The following TBC1D32 variants were observed in gnomAD, a reference collection of about 807,000 sequenced individuals.
The protein encoded by TBC1D32 is TBC1 domain family member 32.
In TBC1D32, 151 loss-of-function variants were observed where a neutral mutation model predicts 170.3. The observed-to-expected ratio is 0.89, with a 90% CI of 0.78 to 1.01. The LOEUF is 1.01. Ranked by LOEUF, TBC1D32 falls within the 50% of genes least tolerant of loss-of-function variation. TBC1D32 has a pLI of 0.00. For missense variants in TBC1D32, 1,464 were observed against 1,457.1 expected (o/e 1.00, Z -0.08); for synonymous variants, 498 against 488.0 (o/e 1.02, Z -0.27).
chr6:121,308,519 T>G (rs1032872054), intron 4 of TBC1D32, among the ~76,000 whole-genome samples: 2 of 151,864 alleles, frequency 1.3e-5, no homozygotes. Flanking sequence ...GCAAAGCATT[T>G]CCATTCTAGG....
intron 20 of TBC1D32, among the ~76,000 whole-genome samples, chr6:121,238,071 T>C (rs1306168911): frequency 6.6e-6 from 1 of 152,138 alleles, no homozygotes; most frequent in African/African-American, 2.4e-5. Flanking sequence ...ACAGGCATAC[T>C]TGAGTGATTA....
chr6:121,081,978 A>C (rs1419711632), intron 31 of TBC1D32, among the ~76,000 whole-genome samples: 1 of 152,090 alleles, frequency 6.6e-6, no homozygotes, highest in African/African-American at 2.4e-5. Flanking sequence ...GAAGAAATGA[A>C]ATGGTGTTGT....
Position 121,080,858 on chromosome 6 carries a change from A to C in TBC1D32, c.3687T>G (p.Asp1229Glu). The C allele has an allele frequency of 1.2e-6, 2 of 1,613,952 alleles. No homozygotes were observed. The highest frequency in any genetic ancestry group is 2.2e-5 in the South Asian group (2 of 91,066). ...EEALHGFRVSDYFEYMEILEQ... is the reference protein window; with the variant it reads ...EEALHGFRVSEYFEYMEILEQ... ...CCAAAATTTCCATGTATTCAAAATA[A>C]TCACTCACTCGAAACCCATGCAGTG... is the stretch of plus-strand genomic sequence containing the variant. The change falls in exon 32 of 32, where the codon GAT becomes GAG. Residue 1229 changes from aspartate (D) to glutamate (E), a missense_variant. Coordinates refer to ENST00000398212, the MANE Select transcript of TBC1D32 (RefSeq NM_152730.6).
intron 12 of TBC1D32, 87 bp from the exon 13 acceptor site, chr6:121,283,997 T>C (rs1053467353): frequency 2.0e-6 from 2 of 980,274 alleles, no homozygotes; most frequent in Admixed American, 4.5e-5. Flanking sequence ...TCCATCTATA[T>C]AGTTGAGGTT....
At chr6:121,203,915 T>C (rs1262415662) in intron 22 of TBC1D32, among the ~76,000 whole-genome samples, 1 of 151,186 alleles carries the variant, frequency 6.6e-6, no homozygotes, top group Non-Finnish European at 1.5e-5. Context: ...TTATATAACT[T>C]AATAAAGTCT....
intron 24 of TBC1D32, among the ~76,000 whole-genome samples, chr6:121,134,526 G>A (rs1216660011): frequency 6.6e-6 from 1 of 152,026 alleles, no homozygotes; most frequent in East Asian, 1.9e-4. Context: ...CTGGAAATTG[G>A]ATTTGAGGCA....
chr6:121,110,712 C>G (rs1460703016), intron 29 of TBC1D32, among the ~76,000 whole-genome samples: 1 of 152,036 alleles, frequency 6.6e-6, no homozygotes, highest in African/African-American at 2.4e-5. Context: ...TATATTAAGA[C>G]TTACTGAATG....
At chr6:121,256,356 G>T in intron 15 of TBC1D32, 71 bp from the exon 16 acceptor site, 2 of 1,351,992 alleles carry the variant, frequency 1.5e-6, no homozygotes, top group Non-Finnish European at 2.0e-6. Flanking sequence ...TACCAAAAAG[G>T]CTAGTCTTGT....
intron 24 of TBC1D32, among the ~76,000 whole-genome samples, chr6:121,135,470 T>C (rs1032770497): frequency 3.3e-5 from 5 of 152,242 alleles, no homozygotes; most frequent in Admixed American, 6.5e-5. Flanking sequence ...AGGACTGTAA[T>C]GTCTGAGAAA....
At chr6:121,264,977 A>G (rs1395148811) in intron 15 of TBC1D32, among the ~76,000 whole-genome samples, 1 of 152,164 alleles carries the variant, frequency 6.6e-6, no homozygotes, top group Non-Finnish European at 1.5e-5. Flanking sequence ...GACAAAAGCT[A>G]GAAGCACTCC....
At chr6:121,292,575 A>T (rs1805027885) in intron 11 of TBC1D32, among the ~76,000 whole-genome samples, 2 of 152,192 alleles carry the variant, frequency 1.3e-5, no homozygotes, top group Admixed American at 6.5e-5. Context: ...ATTACAAAAG[A>T]TCATATTAAC....
intron 2 of TBC1D32, among the ~76,000 whole-genome samples, chr6:121,321,292 C>A (rs2128502020): frequency 6.6e-6 from 1 of 152,242 alleles, no homozygotes; most frequent in South Asian, 2.1e-4. Flanking sequence ...GAGTGCAAAT[C>A]CCTCCGGGAG....
chr6:121,119,577 A>C (rs947487493), intron 26 of TBC1D32, among the ~76,000 whole-genome samples: 1 of 152,130 alleles, frequency 6.6e-6, no homozygotes, highest in Non-Finnish European at 1.5e-5. Context: ...GGGCCATTTA[A>C]TTTATCATTT....
intron 9 of TBC1D32, among the ~76,000 whole-genome samples, chr6:121,302,404 T>G (rs1172121032): frequency 6.6e-6 from 1 of 152,294 alleles, no homozygotes; most frequent in East Asian, 1.9e-4. Flanking sequence ...TGAATTTTCA[T>G]GTATACTAGA....
chr6:121,294,558 A>G lies in TBC1D32; in HGVS notation c.1231+12T>C, dbSNP rs1805331555. The stretch of plus-strand genomic sequence containing the variant: ...ATTTTTAAAAGTATGTAATAGAGGA[A>G]ATAATACTTACTGCAATGCTTTGAA... On this transcript the variant is annotated intron_variant, in intron 11 of 31. Transcript: ENST00000398212. 1 of 1,592,914 alleles carries G rather than the reference A, an allele frequency of 6.3e-7. No homozygotes were observed. Among genetic ancestry groups the G allele is most frequent in the East Asian group, 2.2e-5 (1 of 44,648 alleles).
chr6:121,258,196 T>A (rs1057284644), intron 15 of TBC1D32, among the ~76,000 whole-genome samples: 2 of 152,178 alleles, frequency 1.3e-5, no homozygotes, highest in African/African-American at 4.8e-5. Flanking sequence ...TAATTATGTA[T>A]AATAATTTCA....
chr6:121,114,307 G>A (rs1386918862), intron 27 of TBC1D32, among the ~76,000 whole-genome samples: 2 of 152,140 alleles, frequency 1.3e-5, no homozygotes, highest in Non-Finnish European at 2.9e-5. Context: ...ATCTTATACT[G>A]TAATATATTC....
In TBC1D32 at chr6:121,112,660, C is replaced by A; in HGVS notation, c.3170-1G>T. The A allele has an allele frequency of 6.4e-7, 1 of 1,552,920 alleles. No homozygotes were observed. Among genetic ancestry groups the A allele is most frequent in the Non-Finnish European group, 8.7e-7 (1 of 1,154,464 alleles). On this transcript the variant is annotated splice_acceptor_variant, in intron 28 of 31. Coordinates refer to ENST00000398212, the MANE Select transcript of TBC1D32 (RefSeq NM_152730.6). LOFTEE classifies it high-confidence loss of function. ...CCAGCATAATTCCCTTGCAGGCAGACTGAAAAACACAGTTAAGAAAACTTT... is the reference window on the plus strand; with the variant it reads ...CCAGCATAATTCCCTTGCAGGCAGAATGAAAAACACAGTTAAGAAAACTTT...
intron 30 of TBC1D32, among the ~76,000 whole-genome samples, chr6:121,095,310 A>G (rs1777269099): frequency 6.6e-6 from 1 of 152,190 alleles, no homozygotes; most frequent in Non-Finnish European, 1.5e-5. Context: ...TGAGGTGCAC[A>G]TTATTTTATC....
Sources: allele counts gnomAD v4.1 joint callset (sites outside exome capture counted in the v4.1 genomes callset), GRCh38; gene constraint gnomAD v4.1.1; transcripts MANE v1.5; gene names NCBI Gene and HGNC (gene_info 2026-07-23, HGNC 2026-07-21).